CSPG4: variants seen among roughly 807,000 people sequenced by gnomAD.
The protein encoded by CSPG4 is chondroitin sulfate proteoglycan 4, also known as chondroitin sulfate proteoglycan 4 (melanoma-associated).
Under a neutral mutation model 139.3 loss-of-function variants are expected in CSPG4, and 74 were observed. That is an observed-to-expected ratio of 0.53 (90% CI 0.44 to 0.64). The LOEUF is 0.64. Among genes scored for constraint, CSPG4 ranks in the 30% least tolerant of loss-of-function variants. The pLI is 0.00. For missense variants in CSPG4, 2,565 were observed against 3,148.3 expected (o/e 0.81, Z 4.43); for synonymous variants, 1,234 against 1,394.2 (o/e 0.89, Z 2.56).
At position 75,682,649 on chromosome 15, in the gene CSPG4, G is replaced by A. The variant is rs144616541; in HGVS notation, c.4741C>T (p.Leu1581Phe). Residue 1581 changes from leucine to phenylalanine, a missense_variant, in exon 7 of 10, where the codon CTC becomes TTC. Transcript: ENST00000308508. The stretch of plus-strand genomic sequence containing the variant: ...GTCTGGCTGCCCTTCAGCGAGAGGA[G>A]CACTTGCTTCTGGGCCGTCACTCGG... ...FFRVTAQKQVLLSLKGSQTLT... is the reference protein window; with the variant it reads ...FFRVTAQKQVFLSLKGSQTLT... 1.3e-4 allele frequency: 210 copies of A among 1,613,050 alleles called. No homozygotes were observed. Among genetic ancestry groups the A allele is most frequent in the Non-Finnish European group, 3.1e-5 (37 of 1,180,038 alleles).
chr15:75,685,192 GC>G, intron 4 of CSPG4, 26 bp downstream of exon 4: 1 of 1,509,924 alleles, frequency 6.6e-7, no homozygotes, highest in Non-Finnish European at 8.8e-7. Flanking sequence ...CTGGGCTGCA[GC>G]CCCTGGGCCT....
At chr15:75,712,619 C>T in intron 1 of CSPG4, 49 bp downstream of exon 1, 4 of 1,515,906 alleles carry the variant, frequency 2.6e-6, no homozygotes, top group Non-Finnish European at 3.6e-6. Flanking sequence ...CCCGGAGGAA[C>T]CCCTCTAGTT....
intron 1 of CSPG4, among the ~76,000 whole-genome samples, chr15:75,707,031 C>T (rs570863148): frequency 2.8e-4 from 43 of 151,066 alleles, no homozygotes; most frequent in African/African-American, 1.0e-3. Flanking sequence ...GATCTTAGCT[C>T]ACTGCAACAT....
rs1170430731 is a variant in CSPG4 at position 75,675,203 on chromosome 15, CTTA to C, written c.*344_*346del. On this transcript the variant is annotated 3_prime_UTR_variant, in exon 10 of 10. Coordinates refer to ENST00000308508, the MANE Select transcript of CSPG4 (RefSeq NM_001897.5). ...TCTTAGCAGCCTGGGTCAGGCGCGACTTACCCAAGGTCACAGACCCAGGACCCA... is the reference window on the plus strand; with the variant it reads ...TCTTAGCAGCCTGGGTCAGGCGCGACCCCAAGGTCACAGACCCAGGACCCA... 8 of 300,770 alleles carry C rather than the reference CTTA, an allele frequency of 2.7e-5. No homozygotes were observed. The highest frequency in any genetic ancestry group is 4.9e-5 in the Non-Finnish European group (8 of 164,264). The allele number at this position is 300,770 out of a possible 1,614,324, so 18.6% of individuals were successfully genotyped here. A position where few individuals can be genotyped will look rare whatever the true frequency, so the allele number is the denominator to read the frequency against.
intron 1 of CSPG4, among the ~76,000 whole-genome samples, chr15:75,701,806 A>C (rs569308867): frequency 2.9e-4 from 44 of 151,464 alleles, no homozygotes; most frequent in African/African-American, 7.0e-4. Flanking sequence ...GACTCAGTGT[A>C]CTCTCCCCTA....
Position 75,675,297 on chromosome 15 carries a change from A to G in CSPG4, c.*253T>C, listed in dbSNP as rs1052921060. The stretch of plus-strand genomic sequence containing the variant: ...CCCAAACCAGCTCCAGGGCAGGAGG[A>G]CTGAACTTAAGCCTGCCTCCACCTT... On this transcript the variant is annotated 3_prime_UTR_variant, in exon 10 of 10. Coordinates refer to ENST00000308508, the MANE Select transcript of CSPG4 (RefSeq NM_001897.5). 5.3e-6 allele frequency: 2 copies of G among 377,800 alleles called. No individual in the cohort carries two copies. The highest frequency in any genetic ancestry group is 4.2e-5 in the African/African-American group (2 of 48,164). 23.4% of individuals were successfully genotyped at this position (377,800 alleles called of 1,614,324 possible). A position where few individuals can be genotyped will look rare whatever the true frequency, so the allele number is the denominator to read the frequency against.
intron 8 of CSPG4, chr15:75,680,067 A>C (rs531248717): frequency 6.6e-6 from 1 of 152,396 alleles, no homozygotes; most frequent in South Asian, 2.1e-4. Flanking sequence ...ATGGAAACTT[A>C]ACAGGGTCTT....
chr15:75,686,049 G>A (rs748850749), intron 3 of CSPG4, among the ~76,000 whole-genome samples: 10 of 152,168 alleles, frequency 6.6e-5, no homozygotes, highest in African/African-American at 1.7e-4. Flanking sequence ...CACCAGGCCC[G>A]GCTAATTTTT....
chr15:75,705,845 C>G (rs989381948), intron 1 of CSPG4, among the ~76,000 whole-genome samples: 5 of 152,018 alleles, frequency 3.3e-5, no homozygotes, highest in African/African-American at 1.2e-4. Flanking sequence ...GTGTGTGTAT[C>G]TGTGTCTGTA....
rs536940853 is a variant in CSPG4, at chr15:75,711,141, C to T, written c.88+1527G>A. On this transcript the variant is annotated intron_variant, in intron 1 of 9. Transcript: ENST00000308508. ...CCTGGAGGACTGACTCCCTTCCCAT[C>T]CACCAAGGCTTGGTTTGAGGCCCAC... Among the ~76,000 whole-genome samples the T allele has an allele frequency of 9.3e-3, 1,411 of 151,788 alleles. 5 individuals carry two copies. The highest frequency in any genetic ancestry group is 0.015 in the Non-Finnish European group (990 of 67,760).
intron 1 of CSPG4, among the ~76,000 whole-genome samples, chr15:75,705,309 T>C (rs954763395): frequency 1.4e-4 from 21 of 152,206 alleles, no homozygotes; most frequent in African/African-American, 5.1e-4. Context: ...CTTTTCCATG[T>C]CACTTAGTCC....
chr15:75,675,803 A>G lies in CSPG4; in HGVS notation c.6716T>C (p.Ile2239Thr), dbSNP rs1381771583. Residue 2239 changes from isoleucine to threonine, a missense_variant, in exon 10 of 10, where the codon ATC becomes ACC. By Grantham distance (89) the Ile-to-Thr change is moderately conservative. Coordinates refer to ENST00000308508, the MANE Select transcript of CSPG4 (RefSeq NM_001897.5). ...TCGGAGGTAGAAGAGCAGGGGCAGGATGAGCGCCAGGAGCAGAAGTACCAG... is the reference window on the plus strand; with the variant it reads ...TCGGAGGTAGAAGAGCAGGGGCAGGGTGAGCGCCAGGAGCAGAAGTACCAG... ...MCLVLLLLAL[I>T]LPLLFYLRKR... 4 of 1,613,510 alleles carry G rather than the reference A, an allele frequency of 2.5e-6. No homozygotes were observed. The highest frequency in any genetic ancestry group is 3.4e-6 in the Non-Finnish European group (4 of 1,179,996).
chr15:75,676,733 AG>A lies in CSPG4; in HGVS notation c.5785del (p.Leu1929CysfsTer33). Reference protein sequence around the residue: ...LSMSDGASPPLPMSLAVDILP... With the variant: ...LSMSDGASPPXPMSLAVDILP... ...GATGTCCACAGCCAGGGACATGGGC[AG>A]GGGTGGGCTGGCCCCATCAGACATG... On this transcript the variant is annotated frameshift_variant, in exon 10 of 10. Transcript: ENST00000308508. LOFTEE classifies it high-confidence loss of function. The A allele has an allele frequency of 1.3e-6, 2 of 1,578,042 alleles. No individual in the cohort carries two copies. The highest frequency in any genetic ancestry group is 1.2e-5 in the South Asian group (1 of 86,772).
intron 1 of CSPG4, among the ~76,000 whole-genome samples, chr15:75,701,124 T>C (rs568445506): frequency 6.6e-6 from 1 of 152,208 alleles, no homozygotes; most frequent in South Asian, 2.1e-4. Context: ...TGGCAAGAGG[T>C]GTGGCCACTA....
intron 1 of CSPG4, among the ~76,000 whole-genome samples, chr15:75,709,566 A>AT (rs1566978828): frequency 1.3e-5 from 2 of 152,154 alleles, no homozygotes; most frequent in African/African-American, 2.4e-5. Flanking sequence ...GGCAGTAGCC[A>AT]CCTCGTCCAG....
intron 1 of CSPG4, among the ~76,000 whole-genome samples, chr15:75,709,507 C>T (rs975713610): frequency 7.2e-5 from 11 of 152,180 alleles, no homozygotes; most frequent in African/African-American, 2.2e-4. Flanking sequence ...CTTCCTTCCC[C>T]GCAAGTGCCA....
rs373776411 is a variant in CSPG4, at chr15:75,707,763, C to T, written c.88+4905G>A. Among the ~76,000 whole-genome samples, 82 of 152,328 alleles carry T rather than the reference C, an allele frequency of 5.4e-4. No individual in the cohort carries two copies. In the East Asian group the frequency reaches 0.011, roughly 20 times the overall value. On this transcript the variant is annotated intron_variant, in intron 1 of 9. Transcript: ENST00000308508. Reference sequence around the variant, plus strand: ...TTCCCAAGCTCAGCTGCCTCCAGGCCGGCTCAGCTGGAGAGCCCTGGGGTG... The same window carrying T: ...TTCCCAAGCTCAGCTGCCTCCAGGCTGGCTCAGCTGGAGAGCCCTGGGGTG...
intron 5 of CSPG4, 55 bp downstream of exon 5, chr15:75,684,681 G>C: frequency 6.4e-7 from 1 of 1,554,350 alleles, no homozygotes; most frequent in Non-Finnish European, 8.8e-7. Context: ...CGAAGTAGGG[G>C]ACGCTGGCCT....
Position 75,674,484 on chromosome 15 carries a change from G to A in CSPG4, c.*1066C>T. 1 of 374,802 alleles carries A rather than the reference G, an allele frequency of 2.7e-6. No homozygotes were observed. Among genetic ancestry groups the A allele is most frequent in the Middle Eastern group, 6.7e-4 (1 of 1,484 alleles). 23.2% of individuals were successfully genotyped at this position (374,802 alleles called of 1,614,324 possible). On this transcript the variant is annotated 3_prime_UTR_variant, in exon 10 of 10. Coordinates refer to ENST00000308508, the MANE Select transcript of CSPG4 (RefSeq NM_001897.5). Reference sequence around the variant, plus strand: ...GAGGTCTGGGAGGCCCCAGGAGGTGGAAGTTCAGAGGCCTGCCTGGCCCTG... The same window carrying A: ...GAGGTCTGGGAGGCCCCAGGAGGTGAAAGTTCAGAGGCCTGCCTGGCCCTG...
Sources: allele counts gnomAD v4.1 joint callset (sites outside exome capture counted in the v4.1 genomes callset), GRCh38; gene constraint gnomAD v4.1.1; transcripts MANE v1.5; gene names NCBI Gene and HGNC (gene_info 2026-07-23, HGNC 2026-07-21).